FLNB: variants seen among roughly 807,000 people sequenced by gnomAD.
The protein encoded by FLNB is filamin B.
In FLNB, 111 loss-of-function variants were observed where a neutral mutation model predicts 250.6. The observed-to-expected ratio is 0.44, with a 90% CI of 0.38 to 0.52. The LOEUF (loss-of-function observed/expected upper bound fraction) is 0.52. Among genes scored for constraint, FLNB ranks in the 20% least tolerant of loss-of-function variants. The pLI is 0.00. For missense variants in FLNB, 2,869 were observed against 3,447.8 expected, an observed-to-expected ratio of 0.83 and a Z score of 4.20; for synonymous variants, 1,302 against 1,372.1, an observed-to-expected ratio of 0.95 and a Z score of 1.13.
chr3:58,116,368 G>A (rs555697474), intron 18 of FLNB, among the ~76,000 whole-genome samples: 18 of 152,324 alleles, frequency 1.2e-4, no homozygotes, highest in Admixed American at 2.6e-4. Flanking sequence ...TGGCTGCTTG[G>A]GCATGGGTGT....
At chr3:58,141,782 C>A in intron 29 of FLNB, 76 bp from the exon 30 acceptor site, 1 of 1,331,182 alleles carries the variant, frequency 7.5e-7, no homozygotes, top group Non-Finnish European at 1.1e-6. Flanking sequence ...GTGGGGGAAG[C>A]AGCTCTGTGG....
intron 1 of FLNB, among the ~76,000 whole-genome samples, chr3:58,042,730 G>C (rs867644224): frequency 2.0e-5 from 3 of 152,072 alleles, no homozygotes; most frequent in African/African-American, 7.2e-5. Flanking sequence ...TGTTGCCCAG[G>C]CTGGTCTCGA....
intron 1 of FLNB, among the ~76,000 whole-genome samples, chr3:58,072,449 G>A (rs1326126871): frequency 2.0e-5 from 3 of 152,082 alleles, no homozygotes; most frequent in Admixed American, 6.6e-5. Context: ...TTTTACCCTC[G>A]GCGTAAACAT....
rs1469134669 is a variant in FLNB, at chr3:58,098,781, G to C, written c.1218G>C (p.Val406=). ...PQGKNTVELL[V]EDKGNQVYRC... is the part of the protein sequence containing the mutation. ...GGAAGAACACCGTGGAGTTGCTCGT[G>C]GAAGACAAAGGAAACCAGGTGTATC... The change falls in exon 8 of 46, where the codon GTG becomes GTC. Residue 406 remains valine (V), a synonymous_variant. Transcript: ENST00000295956. The C allele has an allele frequency of 5.6e-6, 9 of 1,614,168 alleles. No individual in the cohort carries two copies. Among genetic ancestry groups the C allele is most frequent in the Non-Finnish European group, 7.6e-6 (9 of 1,180,020 alleles).
At chr3:58,091,495 A>G (rs2097227259) in intron 4 of FLNB, among the ~76,000 whole-genome samples, 1 of 152,160 alleles carries the variant, frequency 6.6e-6, no homozygotes, top group Non-Finnish European at 1.5e-5. Flanking sequence ...AAAACAAAAC[A>G]AAAGCAAACC....
In FLNB at chr3:58,171,969, T is replaced by C. The variant is rs1363877183; in HGVS notation, c.*1207T>C. The C allele has an allele frequency of 6.6e-6, 1 of 152,314 alleles. No homozygotes were observed. Among genetic ancestry groups the C allele is most frequent in the African/African-American group, 2.4e-5 (1 of 41,438 alleles). The allele number at this position is 152,314 out of a possible 1,614,324, so 9.4% of individuals were successfully genotyped here. A position where few individuals can be genotyped will look rare whatever the true frequency, so the allele number is the denominator to read the frequency against. On this transcript the variant is annotated 3_prime_UTR_variant, in exon 46 of 46. Transcript: ENST00000295956. The surrounding 1 kb of genome is among the most constrained non-coding windows in gnomAD (Gnocchi z 5.5). ...AGCTGGCTTTGGAATGAGGTTAAAG[T>C]GTCAGGGACGTTGCCTGAGCCCAAA...
At chr3:58,156,243 C>A (rs549953278) in intron 41 of FLNB, among the ~76,000 whole-genome samples, 168 bp downstream of exon 41, 11 of 152,196 alleles carry the variant, frequency 7.2e-5, no homozygotes, top group Non-Finnish European at 1.6e-4. Context: ...GTCAACTCCC[C>A]ATACACTTAG....
At chr3:58,078,901 C>A in intron 3 of FLNB, 87 bp downstream of exon 3, 1 of 923,504 alleles carries the variant, frequency 1.1e-6, no homozygotes, top group Non-Finnish European at 1.7e-6. Flanking sequence ...GCAGCCCGAC[C>A]TTCTTGGCAT....
chr3:58,058,626 G>T (rs1054415687), intron 1 of FLNB, among the ~76,000 whole-genome samples: 3 of 152,120 alleles, frequency 2.0e-5, no homozygotes, highest in Admixed American at 6.5e-5. Flanking sequence ...TGTGCAAAAG[G>T]GTGTGCTTCC....
At chr3:58,065,130 T>C (rs1658389) in intron 1 of FLNB, among the ~76,000 whole-genome samples, 36,817 of 152,082 alleles carry the variant, frequency 0.24, 6,643 homozygotes, top group East Asian at 0.62. Flanking sequence ...TCTGTGTGCT[T>C]CTGTGCCCTG....
At chr3:58,070,599 TG>T (rs1295150473) in intron 1 of FLNB, among the ~76,000 whole-genome samples, 2 of 151,650 alleles carry the variant, frequency 1.3e-5, no homozygotes, top group African/African-American at 4.8e-5. Context: ...CAAGTCTTAG[TG>T]CGAGTGTGTG....
intron 1 of FLNB, among the ~76,000 whole-genome samples, chr3:58,070,545 G>C (rs1167675642): frequency 6.6e-6 from 1 of 152,174 alleles, no homozygotes; most frequent in East Asian, 1.9e-4. Flanking sequence ...GTAGAGATGA[G>C]GGGGCAGAGT....
At chr3:58,124,584 C>T in intron 22 of FLNB, 79 bp downstream of exon 22, 1 of 1,477,922 alleles carries the variant, frequency 6.8e-7, no homozygotes, top group South Asian at 1.2e-5. Context: ...GGTACTGATG[C>T]CTGCCCCATG....
At chr3:58,091,737 G>A (rs546084156) in intron 4 of FLNB, among the ~76,000 whole-genome samples, 5 of 152,132 alleles carry the variant, frequency 3.3e-5, no homozygotes, top group Admixed American at 6.5e-5. Flanking sequence ...GCCTTTATGT[G>A]CTGTTGAGGG....
intron 1 of FLNB, among the ~76,000 whole-genome samples, chr3:58,042,105 T>C (rs1377964392): frequency 3.9e-5 from 6 of 152,094 alleles, no homozygotes; most frequent in Non-Finnish European, 8.8e-5. Flanking sequence ...CTGTGTTTGG[T>C]GTGTATGGGT....
Position 58,135,989 on chromosome 3 carries a change from G to A in FLNB, c.4682G>A (p.Gly1561Glu). Residue 1561 changes from glycine (G) to glutamate (E), a missense_variant, in exon 28 of 46, where the codon GGA becomes GAA. This residue lies in a region of FLNB where 126 missense variants were observed against 182.0 expected (regional missense o/e 0.69). Coordinates refer to ENST00000295956, the MANE Select transcript of FLNB (RefSeq NM_001457.4). The part of the protein sequence containing the change: ...LLAVQITDQE[G>E]KPKRAIVHDN... ...CTCTATGATCCACAGGACCAAGAAG[G>A]AAAACCCAAAAGAGCCATTGTCCAT... 6.2e-7 allele frequency: 1 copy of A among 1,614,068 alleles called. No individual in the cohort carries two copies. Among genetic ancestry groups the A allele is most frequent in the Non-Finnish European group, 8.5e-7 (1 of 1,180,000 alleles).
intron 1 of FLNB, 127 bp downstream of exon 1, chr3:58,008,983 A>C: frequency 8.4e-7 from 1 of 1,185,782 alleles, no homozygotes; most frequent in Non-Finnish European, 1.2e-6. Flanking sequence ...AGTCGTCCCC[A>C]GGGGTGGGTT....
At chr3:58,084,395 A>G (rs1287658518) in intron 4 of FLNB, among the ~76,000 whole-genome samples, 1 of 152,162 alleles carries the variant, frequency 6.6e-6, no homozygotes. Context: ...ATCACTGGCC[A>G]TCCGGCTTCC....
chr3:58,038,375 C>G (rs1444913255), intron 1 of FLNB, among the ~76,000 whole-genome samples: 1 of 151,266 alleles, frequency 6.6e-6, no homozygotes, highest in East Asian at 1.9e-4. Flanking sequence ...CTGCTGACGT[C>G]TTTTTGGCAC....
Sources: allele counts gnomAD v4.1 joint callset (sites outside exome capture counted in the v4.1 genomes callset), GRCh38; gene constraint gnomAD v4.1.1; regional missense constraint gnomAD v4.1.1; non-coding constraint Gnocchi (gnomAD v3.1); transcripts MANE v1.5; gene names NCBI Gene and HGNC (gene_info 2026-07-23, HGNC 2026-07-21).